DOCK1: variants seen among roughly 807,000 people sequenced by gnomAD.
DOCK1 encodes dedicator of cytokinesis 1, also known as dedicator of cytokinesis protein 1.
Under a neutral mutation model 262.7 loss-of-function variants are expected in DOCK1, and 138 were observed. That is an observed-to-expected ratio of 0.53 (90% CI 0.46 to 0.61). DOCK1 has a LOEUF of 0.61. Ranked by LOEUF, DOCK1 falls within the 20% of genes least tolerant of loss-of-function variation. The pLI, the probability that DOCK1 is intolerant of heterozygous loss-of-function variation, is 0.00. For synonymous variants in DOCK1, 866 were observed against 867.4 expected (o/e 1.00, Z 0.03); for missense variants, 1,908 against 2,370.7 (o/e 0.80, Z 4.05).
intron 27 of DOCK1, among the ~76,000 whole-genome samples, chr10:127,150,772 A>G (rs149457491): frequency 2.0e-5 from 3 of 152,242 alleles, no homozygotes; most frequent in African/African-American, 7.2e-5. Flanking sequence ...TATTCAATGA[A>G]AAAGGTAGAG....
intron 29 of DOCK1, among the ~76,000 whole-genome samples, chr10:127,263,956 C>T (rs1021971453): frequency 2.0e-5 from 3 of 152,142 alleles, no homozygotes; most frequent in African/African-American, 7.2e-5. Flanking sequence ...AGTGAGTCTG[C>T]CAGGTAAACC....
At chr10:126,984,808 T>C (rs2039247406) in intron 4 of DOCK1, among the ~76,000 whole-genome samples, 1 of 152,150 alleles carries the variant, frequency 6.6e-6, no homozygotes, top group Non-Finnish European at 1.5e-5. Context: ...CATTTGTTTG[T>C]AGTGAGAACA....
At chr10:127,108,562 G>A (rs2048678201) in intron 24 of DOCK1, among the ~76,000 whole-genome samples, 1 of 152,068 alleles carries the variant, frequency 6.6e-6, no homozygotes, top group Non-Finnish European at 1.5e-5. Flanking sequence ...CTCCAGCCTG[G>A]GTGACAGGGC....
chr10:127,323,338 C>T (rs1161125647), intron 29 of DOCK1, among the ~76,000 whole-genome samples: 1 of 152,172 alleles, frequency 6.6e-6, no homozygotes, highest in Admixed American at 6.5e-5. Flanking sequence ...CTCCCTCCAG[C>T]CTCTCAGATA....
At chr10:126,998,364 G>C in intron 8 of DOCK1, 115 bp downstream of exon 8, 1 of 1,406,924 alleles carries the variant, frequency 7.1e-7, no homozygotes, top group Admixed American at 1.9e-5. Context: ...ATGGCTGCTG[G>C]ACACGAGCAA....
In DOCK1 at chr10:127,175,932, G is replaced by A; in HGVS notation, c.2847+48168G>A. The A allele has an allele frequency of 2.5e-6, 4 of 1,614,162 alleles. No homozygotes were observed. Among genetic ancestry groups the A allele is most frequent in the Non-Finnish European group, 2.5e-6 (3 of 1,180,038 alleles). ...GCCACATGGCCGGGCCTCCTCCATG[G>A]GTCCAGCCTCGTTCTTCTCTTTCGC... On this transcript the variant is annotated intron_variant, in intron 27 of 51. Transcript: ENST00000623213. This position sits in a 1 kb window ranked among gnomAD's most constrained non-coding sequence, Gnocchi z 6.3.
chr10:127,338,878 C>A (rs1341962430), intron 29 of DOCK1, 128 bp from the exon 30 acceptor site: 3 of 742,276 alleles, frequency 4.0e-6, no homozygotes, highest in African/African-American at 1.8e-5. Context: ...CAAAACCTCA[C>A]AGCTTTGCGC....
chr10:127,032,121 A>G lies in DOCK1; in HGVS notation c.1729-16A>G. ...TTGTGAATTGCCTTTGACATACGGC[A>G]TGACTAAATCCACAGGCCGAAGCAA... On this transcript the variant is annotated splice_polypyrimidine_tract_variant and intron_variant, in intron 17 of 51. Transcript: ENST00000623213. 6.3e-7 allele frequency: 1 copy of G among 1,576,888 alleles called. No homozygotes were observed. Among genetic ancestry groups the G allele is most frequent in the Non-Finnish European group, 8.6e-7 (1 of 1,161,156 alleles).
In DOCK1 at chr10:127,012,920, A is replaced by C. The variant is rs767092240; in HGVS notation, c.1201+546A>C. Among the ~76,000 whole-genome samples, 3 of 152,198 alleles carry C rather than the reference A, an allele frequency of 2.0e-5. No homozygotes were observed. The highest frequency in any genetic ancestry group is 4.4e-5 in the Non-Finnish European group (3 of 68,032). On this transcript the variant is annotated intron_variant, in intron 12 of 51. Coordinates refer to ENST00000623213, the MANE Select transcript of DOCK1 (RefSeq NM_001290223.2). The surrounding 1 kb of genome is among the most constrained non-coding windows in gnomAD (Gnocchi z 4.0). ...CACTTGGCTGGCCAGGAGGGCTGCC[A>C]GGAAACAACTGTGACTGAGGCCCCG...
intron 19 of DOCK1, among the ~76,000 whole-genome samples, chr10:127,038,462 G>C (rs1247364434): frequency 6.6e-6 from 1 of 152,142 alleles, no homozygotes; most frequent in Non-Finnish European, 1.5e-5. Flanking sequence ...TGGGGTAACA[G>C]TAGTGCCTTC....
chr10:127,023,991 A>G (rs1370364227), intron 14 of DOCK1, among the ~76,000 whole-genome samples: 1 of 152,168 alleles, frequency 6.6e-6, no homozygotes. Flanking sequence ...ACCGGCGATC[A>G]TGAAGATCTG....
chr10:127,071,249 C>T (rs974407693), intron 23 of DOCK1, among the ~76,000 whole-genome samples: 1 of 152,108 alleles, frequency 6.6e-6, no homozygotes, highest in African/African-American at 2.4e-5. Context: ...CTGCAGCATT[C>T]CAGTCTTCTT....
At chr10:127,444,056 G>T in intron 49 of DOCK1, 70 bp from the exon 50 acceptor site, 2 of 1,537,022 alleles carry the variant, frequency 1.3e-6, no homozygotes, top group South Asian at 1.2e-5. Context: ...TTCAACATAG[G>T]AATTTAGGTG....
intron 30 of DOCK1, among the ~76,000 whole-genome samples, chr10:127,340,574 C>A (rs2063386273): frequency 6.6e-6 from 1 of 152,162 alleles, no homozygotes; most frequent in Admixed American, 6.5e-5. Context: ...ATACATGTGT[C>A]TCTTAGTACA....
intron 1 of DOCK1, among the ~76,000 whole-genome samples, chr10:126,912,942 A>C (rs1012418144): frequency 7.9e-5 from 12 of 151,938 alleles, no homozygotes; most frequent in Middle Eastern, 3.2e-3. Flanking sequence ...TTGATAACAT[A>C]AGACTTTTCA....
At chr10:127,151,070 T>G (rs1272472201) in intron 27 of DOCK1, among the ~76,000 whole-genome samples, 1 of 152,244 alleles carries the variant, frequency 6.6e-6, no homozygotes, top group East Asian at 1.9e-4. Context: ...TTTCAATTAA[T>G]GGACCAGAAG....
intron 4 of DOCK1, among the ~76,000 whole-genome samples, chr10:126,984,004 G>A (rs1332233391): frequency 6.6e-6 from 1 of 152,116 alleles, no homozygotes; most frequent in Non-Finnish European, 1.5e-5. Context: ...CCCTCTTAAC[G>A]CCGATGCTCT....
chr10:127,130,108 G>C (rs2050231383), intron 27 of DOCK1, among the ~76,000 whole-genome samples: 1 of 126,890 alleles, frequency 7.9e-6, no homozygotes, highest in East Asian at 2.4e-4. Flanking sequence ...CCCTGAGATA[G>C]AGTCTTGCTC....
intron 5 of DOCK1, 43 bp downstream of exon 5, chr10:126,987,660 T>C (rs1302786475): frequency 6.8e-6 from 10 of 1,468,508 alleles, no homozygotes; most frequent in Non-Finnish European, 9.2e-6. Flanking sequence ...AAATAGAGAG[T>C]GGGCTTTTTT....
Sources: gnomAD v4.1 joint callset for allele counts (sites outside exome capture counted in the v4.1 genomes callset) on GRCh38, gnomAD v4.1.1 for gene constraint, Gnocchi (gnomAD v3.1) non-coding constraint, MANE v1.5 for transcripts, NCBI Gene and HGNC (gene_info 2026-07-23, HGNC 2026-07-21) for gene names.